The following CAST variants were observed in gnomAD, a reference collection of about 807,000 sequenced individuals.
CAST encodes the protein MIR583 host.
In CAST, 76 loss-of-function variants were observed where a neutral mutation model predicts 119.6. The ratio of observed to expected loss-of-function variants is 0.64; its 90% CI spans 0.53 to 0.77. The LOEUF (loss-of-function observed/expected upper bound fraction) is 0.77, where lower values mean the gene tolerates loss of function less well. Ranked by LOEUF, CAST falls within the 30% of genes least tolerant of loss-of-function variation. The probability of loss-of-function intolerance (pLI) is 0.00; values close to 1 mark genes in which losing one functional copy is unlikely to be tolerated. For missense variants in CAST, 953 were observed against 946.5 expected (o/e 1.01, Z -0.09); for synonymous variants, 319 against 331.6 (o/e 0.96, Z 0.41).
chr5:96,746,397 C>T lies in CAST; in HGVS notation c.1256C>T (p.Pro419Leu), dbSNP rs1561569777. Residue 419 changes from proline (P) to leucine (L), a missense_variant, in exon 17 of 32, where the codon CCA (proline) becomes CTA (leucine). Pro to Leu is a moderately conservative substitution (Grantham distance 98). Coordinates refer to ENST00000675179, the MANE Select transcript of CAST (RefSeq NM_001750.7). ...TGTGGTGAGGATGATGAAACAATCC[C>T]ATCTGAGTACAGATTAAAACCAGCC... ...EKCGEDDETI[P>L]SEYRLKPATD... 6.2e-7 allele frequency: 1 copy of T among 1,610,158 alleles called. No individual in the cohort carries two copies.
chr5:96,543,395 A>C (rs917826775), intron 1 of CAST, among the ~76,000 whole-genome samples: 1 of 152,138 alleles, frequency 6.6e-6, no homozygotes, highest in Non-Finnish European at 1.5e-5. Flanking sequence ...TTGGGGGGCA[A>C]GGGGAGGGAT....
intron 4 of CAST, among the ~76,000 whole-genome samples, chr5:96,724,443 A>G (rs929050619): frequency 6.6e-6 from 1 of 152,148 alleles, no homozygotes; most frequent in Non-Finnish European, 1.5e-5. Flanking sequence ...TCAGCCTCCC[A>G]AAGTGCTGGG....
the CAST span, among the ~76,000 whole-genome samples, chr5:96,126,958 G>A: frequency 6.6e-6 from 1 of 152,054 alleles, no homozygotes; most frequent in African/African-American, 2.4e-5. Flanking sequence ...GAAGTAAATA[G>A]GTCCTCCATG....
At chr5:96,023,758 A>G in the CAST span, among the ~76,000 whole-genome samples, 1 of 152,136 alleles carries the variant, frequency 6.6e-6, no homozygotes, top group East Asian at 1.9e-4. Flanking sequence ...TTACAGTCCT[A>G]TTTTGTGTAA....
At chr5:96,393,467 C>G in the CAST span, 3 of 1,483,152 alleles carry the variant, frequency 2.0e-6, no homozygotes, top group Non-Finnish European at 2.8e-6. Context: ...AGGAACGCTG[C>G]CTGCCGCTTG....
the CAST span, among the ~76,000 whole-genome samples, chr5:96,174,419 A>G: frequency 1.2e-4 from 18 of 152,336 alleles, no homozygotes; most frequent in African/African-American, 4.3e-4. Context: ...TGGGCGCTGC[A>G]ATCATTCTTC....
At chr5:96,388,725 G>A in the CAST span, among the ~76,000 whole-genome samples, 2 of 152,118 alleles carry the variant, frequency 1.3e-5, no homozygotes, top group African/African-American at 2.4e-5. Flanking sequence ...GAATTAATCT[G>A]TATCCTTTGT....
chr5:96,720,350 A>G (rs1366077864), intron 3 of CAST, among the ~76,000 whole-genome samples: 1 of 152,266 alleles, frequency 6.6e-6, no homozygotes, highest in Non-Finnish European at 1.5e-5. Flanking sequence ...AATTCAAACA[A>G]TGCAAAAGAG....
chr5:96,260,707 C>T, the CAST span, among the ~76,000 whole-genome samples: 1 of 152,092 alleles, frequency 6.6e-6, no homozygotes, highest in South Asian at 2.1e-4. Flanking sequence ...CATCAGATGG[C>T]ATTTATTGGC....
chr5:96,231,523 T>C, the CAST span, among the ~76,000 whole-genome samples: 1 of 152,236 alleles, frequency 6.6e-6, no homozygotes, highest in East Asian at 1.9e-4. Flanking sequence ...GGGGATGGGT[T>C]TCTTTATGAG....
At chr5:96,394,746 C>G in the CAST span, 18 of 879,628 alleles carry the variant, frequency 2.0e-5, no homozygotes, top group Admixed American at 3.4e-5. Context: ...ACTATCACTT[C>G]TTATCCTCCC....
At chr5:96,702,812 C>G in intron 3 of CAST, 1 of 985,468 alleles carries the variant, frequency 1.0e-6, no homozygotes, top group South Asian at 4.7e-5. Context: ...ACTCAGAGAG[C>G]TGGGCTGGAG....
At chr5:96,439,313 G>T in the CAST span, among the ~76,000 whole-genome samples, 1 of 149,146 alleles carries the variant, frequency 6.7e-6, no homozygotes, top group Admixed American at 6.7e-5. Flanking sequence ...GAAATGGGGA[G>T]AACAGGAGTA....
At chr5:96,082,318 T>G in the CAST span, among the ~76,000 whole-genome samples, 23 of 152,254 alleles carry the variant, frequency 1.5e-4, no homozygotes, top group African/African-American at 5.1e-4. Context: ...TTGGCTATTG[T>G]GTGCCACAAC....
the CAST span, among the ~76,000 whole-genome samples, chr5:96,201,095 T>G: frequency 3.3e-5 from 5 of 152,158 alleles, no homozygotes; most frequent in African/African-American, 7.2e-5. Context: ...TGAATTAGTC[T>G]ATTCAAAGAG....
chr5:96,085,204 A>G, the CAST span, among the ~76,000 whole-genome samples: 2 of 152,190 alleles, frequency 1.3e-5, no homozygotes, highest in African/African-American at 2.4e-5. Context: ...TTAGGTACTT[A>G]TTGAATGTCT....
the CAST span, among the ~76,000 whole-genome samples, chr5:96,196,877 A>G: frequency 6.6e-6 from 1 of 152,208 alleles, no homozygotes; most frequent in Non-Finnish European, 1.5e-5. Context: ...TGGAGTGAGG[A>G]AGAGCAGCTA....
At chr5:96,347,882 T>G in the CAST span, among the ~76,000 whole-genome samples, 2 of 152,264 alleles carry the variant, frequency 1.3e-5, no homozygotes, top group African/African-American at 4.8e-5. Flanking sequence ...TCAGGGTGGA[T>G]GATGTGGAGA....
At chr5:96,411,010 A>G in the CAST span, 1 of 1,509,514 alleles carries the variant, frequency 6.6e-7, no homozygotes, top group Non-Finnish European at 9.2e-7. Flanking sequence ...CAGAATGCAT[A>G]TTATCTGTTA....
Sources: allele counts gnomAD v4.1 joint callset (sites outside exome capture counted in the v4.1 genomes callset), GRCh38; gene constraint gnomAD v4.1.1; transcripts MANE v1.5; gene names NCBI Gene and HGNC (gene_info 2026-07-23, HGNC 2026-07-21).